The following TRHDE variants were observed in gnomAD, a reference collection of about 807,000 sequenced individuals.
TRHDE encodes thyrotropin-releasing hormone-degrading ectoenzyme.
A neutral mutation model predicts 125.7 loss-of-function variants in TRHDE; 72 were observed. The observed-to-expected ratio is 0.57, with a 90% CI of 0.47 to 0.70. The LOEUF (loss-of-function observed/expected upper bound fraction) is 0.70. Ranked by LOEUF, TRHDE falls within the 30% of genes least tolerant of loss-of-function variation. The pLI, the probability that TRHDE is intolerant of heterozygous loss-of-function variation, is 0.00. For synonymous variants in TRHDE, 509 were observed against 509.1 expected, an observed-to-expected ratio of 1.00 and a Z score of 0.00; for missense variants, 1,110 against 1,327.1, an observed-to-expected ratio of 0.84 and a Z score of 2.54.
At chr12:72,478,875 GGAATCTAACCAGTGGAGACT>G (rs1238968246) in intron 5 of TRHDE, among the ~76,000 whole-genome samples, 1 of 145,138 alleles carries the variant, frequency 6.9e-6, no homozygotes, top group Non-Finnish European at 1.5e-5. Flanking sequence ...GCCTGACACT[GGAATCTAACCAGTGGAGACT>G]GAATAGATAT....
chr12:72,119,233 T>C (rs1470220971), intron 2 of TRHDE, among the ~76,000 whole-genome samples: 1 of 152,198 alleles, frequency 6.6e-6, no homozygotes, highest in Non-Finnish European at 1.5e-5. Flanking sequence ...TTTGGTATGT[T>C]GTGTTTTCAT....
intron 2 of TRHDE, chr12:72,163,279 G>A (rs1876673947): frequency 6.6e-6 from 1 of 152,112 alleles, no homozygotes; most frequent in Non-Finnish European, 1.5e-5. Context: ...CTCCTCCTTT[G>A]CCTGATGATG....
At chr12:72,281,673 T>G (rs1200483805) in intron 1 of TRHDE, among the ~76,000 whole-genome samples, 1 of 152,222 alleles carries the variant, frequency 6.6e-6, no homozygotes. Flanking sequence ...ATCTGAATAC[T>G]AACAGTGTTA....
chr12:72,649,907 C>A (rs917341096), intron 15 of TRHDE, among the ~76,000 whole-genome samples: 2 of 152,012 alleles, frequency 1.3e-5, no homozygotes, highest in African/African-American at 4.8e-5. Flanking sequence ...GTGGAGAAAT[C>A]AATACCCTTC....
At position 72,252,951 on chromosome 12, in the gene TRHDE, G is replaced by A. The variant is rs1351167005; in HGVS notation, n.280-125044G>A. 2.6e-5 allele frequency among the ~76,000 whole-genome samples: 4 copies of A among 151,942 alleles called. 1 individual carries two copies. In the South Asian group the frequency reaches 6.2e-4, roughly 24 times the overall value. ...TGTGTTTTAATTTTGGTTTTCATAC[G>A]TTTATTGTTACTACAGTAATTCTCA... On this transcript the variant is annotated intron_variant and non_coding_transcript_variant, in intron 2 of 4. Transcript: ENST00000548156.
intron 10 of TRHDE, 105 bp from the exon 11 acceptor site, chr12:72,575,150 C>A: frequency 1.9e-6 from 2 of 1,048,620 alleles, no homozygotes; most frequent in Non-Finnish European, 2.8e-6. Flanking sequence ...TTTAAGATGA[C>A]ATTCACTTAA....
At chr12:72,420,432 T>A (rs1322131970) in intron 3 of TRHDE, among the ~76,000 whole-genome samples, 1 of 152,178 alleles carries the variant, frequency 6.6e-6, no homozygotes, top group Non-Finnish European at 1.5e-5. Context: ...CATAAGCAAC[T>A]ATAAAGGACT....
chr12:72,524,653 G>A (rs1000220735), intron 6 of TRHDE, among the ~76,000 whole-genome samples: 3 of 152,066 alleles, frequency 2.0e-5, no homozygotes, highest in African/African-American at 7.2e-5. Context: ...ACTCAGTGAT[G>A]GCCCATCTGT....
intron 7 of TRHDE, 139 bp from the exon 8 acceptor site, chr12:72,562,025 TA>T: frequency 2.1e-6 from 1 of 484,800 alleles, no homozygotes; most frequent in Non-Finnish European, 3.8e-6. Context: ...GGAATATTTT[TA>T]AATGAGATTA....
chr12:72,446,740 A>G (rs1318032501), intron 3 of TRHDE, among the ~76,000 whole-genome samples: 1 of 152,138 alleles, frequency 6.6e-6, no homozygotes, highest in Admixed American at 6.6e-5. Flanking sequence ...CACAGTTTAA[A>G]CCAACGAAGA....
chr12:72,584,181 G>A (rs1592554008), intron 12 of TRHDE, among the ~76,000 whole-genome samples: 2 of 152,176 alleles, frequency 1.3e-5, no homozygotes, highest in East Asian at 3.9e-4. Context: ...AGTAGAAAAT[G>A]TTTTAATATT....
chr12:72,362,966 A>G (rs1871172001), intron 2 of TRHDE, among the ~76,000 whole-genome samples: 1 of 152,054 alleles, frequency 6.6e-6, no homozygotes, highest in African/African-American at 2.4e-5. Context: ...TGGTTACTGT[A>G]GACTTGTAGT....
intron 2 of TRHDE, among the ~76,000 whole-genome samples, chr12:72,248,380 T>C (rs988356094): frequency 2.3e-5 from 3 of 129,900 alleles, no homozygotes; most frequent in African/African-American, 8.9e-5. Flanking sequence ...ATCGCGCCAC[T>C]GCACTCCAGC....
rs949911448 is a variant in TRHDE at position 72,411,983 on chromosome 12, C to A, written c.1315+33862C>A. Among the ~76,000 whole-genome samples the A allele has an allele frequency of 1.9e-4, 29 of 152,158 alleles. 1 individual carries two copies. Among genetic ancestry groups the A allele is most frequent in the African/African-American group, 7.0e-4 (29 of 41,504 alleles). On this transcript the variant is annotated intron_variant, in intron 3 of 18. Coordinates refer to ENST00000261180, the MANE Select transcript of TRHDE (RefSeq NM_013381.3). ...CACCATATAAAAACTGACCTTCATG[C>A]AGATTAAAGACTGAAATGTCAAAGG...
At chr12:72,498,977 GTGTGTGTGTGTGTGTTT>G (rs1479640314) in intron 5 of TRHDE, among the ~76,000 whole-genome samples, 1 of 151,828 alleles carries the variant, frequency 6.6e-6, no homozygotes, top group Non-Finnish European at 1.5e-5. Context: ...GTGTGTGTGT[GTGTGTGTGTGTGTGTTT>G]TGTGTGAGTG....
At position 72,657,479 on chromosome 12, in the gene TRHDE, C is replaced by T. The variant is rs118040761; in HGVS notation, c.3066+471C>T. 3.9e-5 allele frequency among the ~76,000 whole-genome samples: 6 copies of T among 152,176 alleles called. No individual in the cohort carries two copies. The East Asian group carries it at 1.2e-3, about 29-fold the overall frequency. On this transcript the variant is annotated intron_variant, in intron 18 of 18. Transcript: ENST00000261180. ...AATAATATTGCTTTGTGCTATGTAG[C>T]CTCTTAAATGAAACAAATTCTTAAG...
intron 2 of TRHDE, among the ~76,000 whole-genome samples, chr12:72,336,232 A>G (rs539090248): frequency 6.6e-6 from 1 of 152,292 alleles, no homozygotes; most frequent in South Asian, 2.1e-4. Flanking sequence ...TTTGACTCCA[A>G]AACCTGTGCT....
At chr12:72,612,685 ACAT>A (rs1472032913) in intron 12 of TRHDE, among the ~76,000 whole-genome samples, 1 of 152,226 alleles carries the variant, frequency 6.6e-6, no homozygotes, top group East Asian at 1.9e-4. Context: ...TCTTTTCATA[ACAT>A]CATAACTGGT....
chr12:72,106,729 C>T (rs1297596483), intron 2 of TRHDE, among the ~76,000 whole-genome samples: 4 of 151,964 alleles, frequency 2.6e-5, no homozygotes, highest in Admixed American at 2.0e-4. Context: ...TACTTATTGC[C>T]TCTATTTTCA....
Sources: allele counts gnomAD v4.1 joint callset (sites outside exome capture counted in the v4.1 genomes callset), GRCh38; gene constraint gnomAD v4.1.1; transcripts MANE v1.5; gene names NCBI Gene and HGNC (gene_info 2026-07-23, HGNC 2026-07-21).